The following NRXN3 variants were observed in gnomAD, a reference collection of about 807,000 sequenced individuals.
NRXN3 encodes the protein neurexin III.
A neutral mutation model predicts 137.6 loss-of-function variants in NRXN3; 32 were observed. The ratio of observed to expected loss-of-function variants is 0.23; its 90% confidence interval spans 0.18 to 0.31. The LOEUF is 0.31. Among genes scored for constraint, NRXN3 ranks in the 10% least tolerant of loss-of-function variants. The probability of loss-of-function intolerance (pLI) is 1.00; values close to 1 mark genes in which losing one functional copy is unlikely to be tolerated. For synonymous variants in NRXN3, 798 were observed against 784.5 expected (o/e 1.02, Z -0.29); for missense variants, 1,574 against 2,062.5 (o/e 0.76, Z 4.59).
intron 8 of NRXN3, among the ~76,000 whole-genome samples, chr14:78,754,838 T>C (rs1228663263): frequency 1.3e-5 from 2 of 151,464 alleles, no homozygotes; most frequent in Non-Finnish European, 3.0e-5. Flanking sequence ...GTATACACTT[T>C]TTTTTTTTTT....
intron 17 of NRXN3, among the ~76,000 whole-genome samples, chr14:79,667,070 C>T (rs556013861): frequency 3.3e-5 from 5 of 151,954 alleles, no homozygotes; most frequent in Non-Finnish European, 7.4e-5. Flanking sequence ...ATCAATTTAA[C>T]TATTAATAAT....
chr14:79,380,599 G>A (rs2094443802), intron 15 of NRXN3, among the ~76,000 whole-genome samples: 1 of 152,062 alleles, frequency 6.6e-6, no homozygotes, highest in Admixed American at 6.6e-5. Context: ...GTCTATCATT[G>A]TTGGACATTT....
At chr14:78,624,835 GTT>G (rs1433430108) in intron 4 of NRXN3, among the ~76,000 whole-genome samples, 20 of 150,966 alleles carry the variant, frequency 1.3e-4, no homozygotes, top group African/African-American at 4.2e-4. Flanking sequence ...GTGTGTGTTT[GTT>G]TGTTTGTTTG....
chr14:79,011,373 A>ACCCCC (rs1367470714), intron 15 of NRXN3, among the ~76,000 whole-genome samples: 24 of 16,686 alleles, frequency 1.4e-3, no homozygotes, highest in African/African-American at 3.1e-3. Flanking sequence ...CCGCCCCCCC[A>ACCCCC]CCTCCCCCCA....
chr14:78,527,348 G>A lies in NRXN3; in HGVS notation c.758-117772G>A, dbSNP rs1031701282. 4.6e-5 allele frequency among the ~76,000 whole-genome samples: 7 copies of A among 152,266 alleles called. 1 individual carries two copies. Among genetic ancestry groups the A allele is most frequent in the African/African-American group, 1.7e-4 (7 of 41,550 alleles). ...AGCAGGCACATCTTACATGGCTGGA[G>A]CAGGAGGAAGAGATGAAGTGGGAAG... On this transcript the variant is annotated intron_variant, in intron 4 of 20. Transcript: ENST00000335750.
intron 10 of NRXN3, among the ~76,000 whole-genome samples, chr14:78,896,380 A>C (rs2099174922): frequency 6.6e-6 from 1 of 151,878 alleles, no homozygotes; most frequent in South Asian, 2.1e-4. Flanking sequence ...AAAATAATAT[A>C]ATAATAATAG....
intron 15 of NRXN3, among the ~76,000 whole-genome samples, chr14:79,153,353 A>G (rs1568443804): frequency 6.6e-6 from 1 of 151,992 alleles, no homozygotes; most frequent in Non-Finnish European, 1.5e-5. Flanking sequence ...TTATATATGC[A>G]TATGTGGAAG....
At chr14:79,293,235 G>A (rs1227479678) in intron 15 of NRXN3, among the ~76,000 whole-genome samples, 1 of 152,020 alleles carries the variant, frequency 6.6e-6, no homozygotes, top group Non-Finnish European at 1.5e-5. Context: ...ACTTGATATT[G>A]GTCCCTGAGA....
At chr14:79,745,776 A>G (rs1167923537) in intron 19 of NRXN3, among the ~76,000 whole-genome samples, 2 of 101,168 alleles carry the variant, frequency 2.0e-5, no homozygotes, top group African/African-American at 8.6e-5. Flanking sequence ...CTGCAGGGGA[A>G]TAATTTCCTC....
rs1452078093 is a variant in NRXN3 at position 79,317,770 on chromosome 14, C to T, written c.3263-149451C>T. ...AACATCTATTTATATTTATTTTAAT[C>T]GTATTCCTTTATATTTTTGTTATAG... On this transcript the variant is annotated intron_variant, in intron 15 of 20. Transcript: ENST00000335750. Among the ~76,000 whole-genome samples the T allele has an allele frequency of 3.3e-5, 5 of 152,204 alleles. No individual in the cohort carries two copies. The South Asian group carries it at 6.2e-4, about 19-fold the overall frequency.
At chr14:79,492,317 G>C (rs1435600474) in intron 16 of NRXN3, among the ~76,000 whole-genome samples, 1 of 152,100 alleles carries the variant, frequency 6.6e-6, no homozygotes, top group Non-Finnish European at 1.5e-5. Flanking sequence ...CTATTCTCCA[G>C]TGCTGTCTTT....
intron 1 of NRXN3, among the ~76,000 whole-genome samples, chr14:78,209,312 G>A (rs185890111): frequency 2.4e-4 from 36 of 152,264 alleles, no homozygotes; most frequent in Middle Eastern, 6.8e-3. Context: ...GCCAGGGGTG[G>A]AGGATTGCGG....
chr14:79,144,399 G>T (rs2059103397), intron 15 of NRXN3, among the ~76,000 whole-genome samples: 1 of 152,118 alleles, frequency 6.6e-6, no homozygotes, highest in Non-Finnish European at 1.5e-5. Flanking sequence ...TCCTGAGATT[G>T]GAATGGACAA....
chr14:79,516,114 G>A (rs1196625760), intron 16 of NRXN3, among the ~76,000 whole-genome samples: 1 of 152,148 alleles, frequency 6.6e-6, no homozygotes, highest in East Asian at 1.9e-4. Context: ...TTCCTCTGGG[G>A]CACTACAAAG....
At chr14:78,336,950 A>G (rs1303011601) in intron 4 of NRXN3, among the ~76,000 whole-genome samples, 1 of 152,158 alleles carries the variant, frequency 6.6e-6, no homozygotes, top group Non-Finnish European at 1.5e-5. Flanking sequence ...TAGACTTTGG[A>G]TCATCTGTAT....
chr14:78,272,782 C>G (rs904417853), intron 2 of NRXN3, among the ~76,000 whole-genome samples: 25 of 152,118 alleles, frequency 1.6e-4, no homozygotes, highest in Admixed American at 1.6e-3. Flanking sequence ...AGTGCAACCT[C>G]TCTAGGTCTT....
intron 15 of NRXN3, among the ~76,000 whole-genome samples, chr14:79,392,608 C>T (rs1214056898): frequency 6.6e-6 from 1 of 152,036 alleles, no homozygotes; most frequent in African/African-American, 2.4e-5. Flanking sequence ...CATCATTGGT[C>T]GTTAGAGAAA....
intron 8 of NRXN3, among the ~76,000 whole-genome samples, chr14:78,777,331 T>C (rs141210499): frequency 6.6e-6 from 1 of 152,198 alleles, no homozygotes; most frequent in African/African-American, 2.4e-5. Context: ...TTCAATTCCA[T>C]TTTTCAATTC....
At chr14:78,959,821 C>T (rs1410192988) in intron 11 of NRXN3, among the ~76,000 whole-genome samples, 2 of 152,132 alleles carry the variant, frequency 1.3e-5, no homozygotes, top group African/African-American at 2.4e-5. Context: ...CTGTTGCTCA[C>T]TCCTCTGGGC....
Sources: allele counts gnomAD v4.1 joint callset (sites outside exome capture counted in the v4.1 genomes callset), GRCh38; gene constraint gnomAD v4.1.1; transcripts MANE v1.5; gene names NCBI Gene and HGNC (gene_info 2026-07-23, HGNC 2026-07-21).